Variants in TECTA observed in about 807,000 individuals in gnomAD.
The protein encoded by TECTA is alpha-tectorin.
A neutral mutation model predicts 216.8 loss-of-function variants in TECTA; 128 were observed. That is an observed-to-expected ratio of 0.59 (90% confidence interval 0.51 to 0.68). The LOEUF is 0.68. Among genes scored for constraint, TECTA ranks in the 30% least tolerant of loss-of-function variants. The pLI is 0.00. For missense variants in TECTA, 2,551 were observed against 2,786.2 expected (o/e 0.92, Z 1.90); for synonymous variants, 1,089 against 1,117.1 (o/e 0.97, Z 0.50).
chr11:121,183,981 G>A (rs1947256860), intron 20 of TECTA, among the ~76,000 whole-genome samples: 1 of 151,870 alleles, frequency 6.6e-6, no homozygotes, highest in African/African-American at 2.4e-5. Flanking sequence ...TAGAGACTTG[G>A]TCTCCCTGTG....
chr11:121,173,176 A>C (rs1277631630), intron 20 of TECTA, among the ~76,000 whole-genome samples: 1 of 152,216 alleles, frequency 6.6e-6, no homozygotes, highest in African/African-American at 2.4e-5. Context: ...TTTGCTGTGC[A>C]GAAGCTCTTT....
chr11:121,123,221 A>G (rs559571311), intron 7 of TECTA, among the ~76,000 whole-genome samples: 8 of 152,326 alleles, frequency 5.3e-5, no homozygotes, highest in African/African-American at 1.7e-4. Context: ...ATTCCATTCC[A>G]GCCCATGAGC....
chr11:121,132,805 T>A (rs504148), intron 10 of TECTA, among the ~76,000 whole-genome samples: 2 of 151,994 alleles, frequency 1.3e-5, no homozygotes, highest in African/African-American at 4.8e-5. Context: ...CTGCAACCTC[T>A]GCCCCCACCA....
At chr11:121,165,438 C>G (rs12417653) in intron 17 of TECTA, 55 bp downstream of exon 17, 1 of 1,448,360 alleles carries the variant, frequency 6.9e-7, no homozygotes, top group African/African-American at 1.4e-5. Context: ...AGATGCTGCT[C>G]TGGGGAACGA....
intron 20 of TECTA, among the ~76,000 whole-genome samples, chr11:121,180,413 T>C (rs1186887670): frequency 6.6e-6 from 1 of 152,228 alleles, no homozygotes; most frequent in Non-Finnish European, 1.5e-5. Flanking sequence ...TAGCAGGTTT[T>C]TTTTATTTCA....
At chr11:121,117,407 G>A (rs1050075257) in intron 6 of TECTA, among the ~76,000 whole-genome samples, 5 of 152,166 alleles carry the variant, frequency 3.3e-5, no homozygotes, top group African/African-American at 1.2e-4. Flanking sequence ...CAGCCCAGAC[G>A]TGTTTCTATT....
At chr11:121,169,035 C>G in intron 20 of TECTA, 110 bp downstream of exon 20, 2 of 1,546,106 alleles carry the variant, frequency 1.3e-6, no homozygotes. Flanking sequence ...GCCTACAAGG[C>G]CAGAATTTTG....
intron 12 of TECTA, among the ~76,000 whole-genome samples, chr11:121,148,380 C>T (rs1946859966): frequency 6.6e-6 from 1 of 150,830 alleles, no homozygotes; most frequent in Non-Finnish European, 1.5e-5. Context: ...TAATGAATGG[C>T]AAAAAGGAAA....
At chr11:121,182,948 G>A (rs1322486176) in intron 20 of TECTA, among the ~76,000 whole-genome samples, 1 of 152,228 alleles carries the variant, frequency 6.6e-6, no homozygotes, top group African/African-American at 2.4e-5. Flanking sequence ...TGGGTGTCTG[G>A]TGGCCCTGCT....
chr11:121,187,691 C>G, intron 20 of TECTA, 141 bp from the exon 21 acceptor site: 1 of 863,678 alleles, frequency 1.2e-6, no homozygotes, highest in Non-Finnish European at 1.9e-6. Flanking sequence ...CCATGCAGTC[C>G]AGGGGTCACT....
chr11:121,157,789 C>T, intron 13 of TECTA, 52 bp from the exon 14 acceptor site: 1 of 1,611,824 alleles, frequency 6.2e-7, no homozygotes, highest in African/African-American at 1.3e-5. Flanking sequence ...GCTTTCGGGT[C>T]CCCAGCCCTG....
chr11:121,148,309 A>T (rs1946859347), intron 12 of TECTA, among the ~76,000 whole-genome samples: 1 of 152,198 alleles, frequency 6.6e-6, no homozygotes. Flanking sequence ...GACCTTCCCT[A>T]CCGTGGCATT....
At chr11:121,124,822 A>G (rs868843587) in intron 7 of TECTA, among the ~76,000 whole-genome samples, 1 of 152,224 alleles carries the variant, frequency 6.6e-6, no homozygotes, top group Admixed American at 6.5e-5. Context: ...TCAAAGCTAA[A>G]TGGTGTCCAG....
chr11:121,180,603 C>T (rs370622113), intron 20 of TECTA, among the ~76,000 whole-genome samples: 3 of 151,910 alleles, frequency 2.0e-5, no homozygotes, highest in South Asian at 2.1e-4. Context: ...GACAATTTTT[C>T]GGTTGAATCA....
intron 14 of TECTA, among the ~76,000 whole-genome samples, chr11:121,159,670 A>G (rs1346342007): frequency 1.3e-5 from 2 of 152,210 alleles, no homozygotes; most frequent in East Asian, 1.9e-4. Context: ...GCCCAGATCC[A>G]TATTAACTGT....
intron 20 of TECTA, among the ~76,000 whole-genome samples, chr11:121,174,541 C>A (rs1164895977): frequency 3.9e-5 from 6 of 152,150 alleles, no homozygotes; most frequent in Middle Eastern, 3.4e-3. Flanking sequence ...GGGATGAAGC[C>A]CACTTGATCA....
chr11:121,126,370 T>C (rs1181052471), intron 8 of TECTA, among the ~76,000 whole-genome samples: 1 of 152,226 alleles, frequency 6.6e-6, no homozygotes, highest in Admixed American at 6.5e-5. Context: ...GTACAGCATA[T>C]GAGTAAAGAA....
rs141024429 is a variant in TECTA at position 121,146,056 on chromosome 11, G to A, written c.4045G>A (p.Ala1349Thr). The change falls in exon 12 of 24, where the codon GCC (alanine) becomes ACC (threonine). Residue 1349 changes from alanine (A) to threonine (T), a missense_variant. Coordinates refer to ENST00000392793, the MANE Select transcript of TECTA (RefSeq NM_005422.4). ...CGCCTGCAGCTGGCTGCAGAACTAC[G>A]CCAGCACCTGCCAGACTCAGGGGAT... ...QTACSWLQNY[A>T]STCQTQGITV... The A allele has an allele frequency of 1.3e-5, 21 of 1,613,176 alleles. No individual in the cohort carries two copies. Among genetic ancestry groups the A allele is most frequent in the Admixed American group, 6.7e-5 (4 of 60,030 alleles).
chr11:121,137,310 G>A (rs548317831), intron 10 of TECTA, 111 bp from the exon 11 acceptor site: 83 of 1,400,800 alleles, frequency 5.9e-5, no homozygotes, highest in Middle Eastern at 3.6e-4. Context: ...ATGCACACAC[G>A]CACATGCACT....
Sources: allele counts gnomAD v4.1 joint callset (sites outside exome capture counted in the v4.1 genomes callset), GRCh38; gene constraint gnomAD v4.1.1; transcripts MANE v1.5; gene names NCBI Gene and HGNC (gene_info 2026-07-23, HGNC 2026-07-21).